The following MACROD2 variants were observed in gnomAD, a reference collection of about 807,000 sequenced individuals.
MACROD2 encodes the protein ADP-ribose glycohydrolase MACROD2.
MACROD2 carries 36 observed loss-of-function variants against 70.4 expected under a neutral mutation model. The observed-to-expected ratio is 0.51, with a 90% CI of 0.39 to 0.68. The LOEUF (loss-of-function observed/expected upper bound fraction) is 0.68. Ranked by LOEUF, MACROD2 falls within the 30% of genes least tolerant of loss-of-function variation. The pLI is 0.00. For synonymous variants in MACROD2, 172 were observed against 178.8 expected, an observed-to-expected ratio of 0.96 and a Z score of 0.30; for missense variants, 496 against 538.4, an observed-to-expected ratio of 0.92 and a Z score of 0.78.
At chr20:14,997,473 A>G (rs2074959803) in intron 5 of MACROD2, among the ~76,000 whole-genome samples, 1 of 152,124 alleles carries the variant, frequency 6.6e-6, no homozygotes, top group African/African-American at 2.4e-5. Context: ...GGTGTGACTC[A>G]CTGCATTCCC....
intron 5 of MACROD2, among the ~76,000 whole-genome samples, chr20:14,757,392 G>T (rs573158115): frequency 2.4e-4 from 37 of 152,200 alleles, no homozygotes; most frequent in African/African-American, 7.5e-4. Context: ...ACTCTCAAAT[G>T]TACTAAGGAA....
At chr20:15,186,527 A>C (rs939915141) in intron 5 of MACROD2, among the ~76,000 whole-genome samples, 3 of 152,214 alleles carry the variant, frequency 2.0e-5, no homozygotes, top group African/African-American at 7.2e-5. Context: ...AGCAGCAAGG[A>C]AACAGGAAGT....
At chr20:14,877,083 A>T (rs1018413956) in intron 5 of MACROD2, among the ~76,000 whole-genome samples, 1 of 152,148 alleles carries the variant, frequency 6.6e-6, no homozygotes, top group Non-Finnish European at 1.5e-5. Flanking sequence ...CTTCCAATCC[A>T]TGAGCATGGA....
intron 6 of MACROD2, among the ~76,000 whole-genome samples, chr20:15,309,419 C>T (rs1345082324): frequency 6.6e-6 from 1 of 152,144 alleles, no homozygotes; most frequent in Non-Finnish European, 1.5e-5. Context: ...CAAACTAATG[C>T]TGGCATCACC....
At chr20:15,694,124 A>G (rs184526662) in intron 8 of MACROD2, among the ~76,000 whole-genome samples, 125 of 152,228 alleles carry the variant, frequency 8.2e-4, no homozygotes, top group Non-Finnish European at 9.9e-4. Flanking sequence ...ATTGATGGGC[A>G]TTTTGGTTGG....
Position 14,326,137 on chromosome 20 carries a change from A to G in MACROD2, c.272-167342A>G, listed in dbSNP as rs1471393867. ...CAAGTACTCACTGCGTTCCCCTGTT[A>G]CAATTGTTTCTGTTATAGATCCAAA... On this transcript the variant is annotated intron_variant, in intron 3 of 17. Transcript: ENST00000684519. This position sits in a 1 kb window ranked among gnomAD's most constrained non-coding sequence, Gnocchi z 5.5. The G allele has an allele frequency of 3.1e-6, 5 of 1,613,894 alleles. No individual in the cohort carries two copies. The highest frequency in any genetic ancestry group is 4.2e-6 in the Non-Finnish European group (5 of 1,179,866).
chr20:14,928,794 G>A (rs950372964), intron 5 of MACROD2, among the ~76,000 whole-genome samples: 1 of 152,164 alleles, frequency 6.6e-6, no homozygotes, highest in African/African-American at 2.4e-5. Flanking sequence ...TCACTAGAAG[G>A]TGTCCATTTT....
chr20:14,262,139 G>A (rs1414988412), intron 3 of MACROD2, among the ~76,000 whole-genome samples: 2 of 152,192 alleles, frequency 1.3e-5, no homozygotes, highest in Non-Finnish European at 2.9e-5. Flanking sequence ...AATGTAAGAT[G>A]TGCAGAGGGG....
intron 3 of MACROD2, among the ~76,000 whole-genome samples, chr20:14,429,933 C>T (rs1050339355): frequency 6.6e-6 from 1 of 152,174 alleles, no homozygotes; most frequent in Admixed American, 6.6e-5. Flanking sequence ...ATCATTAATG[C>T]AGCCATTATT....
chr20:14,580,951 A>G (rs1980974051), intron 4 of MACROD2, among the ~76,000 whole-genome samples: 1 of 152,194 alleles, frequency 6.6e-6, no homozygotes, highest in Non-Finnish European at 1.5e-5. Flanking sequence ...AACACATTTG[A>G]AAAGCTAAAC....
intron 5 of MACROD2, among the ~76,000 whole-genome samples, chr20:14,945,192 A>G (rs1203748953): frequency 6.6e-6 from 1 of 150,782 alleles, no homozygotes; most frequent in African/African-American, 2.4e-5. Context: ...ATCTTGGCTC[A>G]CTGCAACCTC....
chr20:14,381,655 G>A (rs915394437), intron 3 of MACROD2, among the ~76,000 whole-genome samples: 5 of 152,224 alleles, frequency 3.3e-5, no homozygotes, highest in African/African-American at 7.2e-5. Context: ...AGCAGTGAGC[G>A]GTGTTTCCTA....
chr20:15,199,743 G>T (rs1319046692), intron 5 of MACROD2, among the ~76,000 whole-genome samples: 1 of 152,102 alleles, frequency 6.6e-6, no homozygotes, highest in Non-Finnish European at 1.5e-5. Context: ...TTTAAAGTTT[G>T]TTAAATTATT....
At chr20:14,799,034 A>G (rs1290994119) in intron 5 of MACROD2, among the ~76,000 whole-genome samples, 1 of 152,114 alleles carries the variant, frequency 6.6e-6, no homozygotes, top group Non-Finnish European at 1.5e-5. Context: ...AACATTATTT[A>G]TGATATCTTT....
intron 3 of MACROD2, among the ~76,000 whole-genome samples, chr20:14,096,784 A>G (rs2054233478): frequency 6.6e-6 from 1 of 152,072 alleles, no homozygotes; most frequent in Non-Finnish European, 1.5e-5. Flanking sequence ...GCATGTCCTA[A>G]ATTGTGTTTT....
At chr20:15,126,488 A>G (rs2076067975) in intron 5 of MACROD2, among the ~76,000 whole-genome samples, 1 of 152,038 alleles carries the variant, frequency 6.6e-6, no homozygotes, top group South Asian at 2.1e-4. Flanking sequence ...ATTTAATAAA[A>G]TTTGCATTTT....
intron 5 of MACROD2, among the ~76,000 whole-genome samples, chr20:15,089,336 T>A (rs1478682708): frequency 1.3e-5 from 2 of 152,008 alleles, no homozygotes; most frequent in Non-Finnish European, 2.9e-5. Context: ...GGTGTCTTTA[T>A]CCCCACTTAG....
intron 3 of MACROD2, among the ~76,000 whole-genome samples, chr20:14,407,618 T>C (rs1008415319): frequency 2.0e-5 from 3 of 152,102 alleles, no homozygotes; most frequent in African/African-American, 2.4e-5. Context: ...GCTCTCAAAA[T>C]GAAGTAAATA....
intron 3 of MACROD2, among the ~76,000 whole-genome samples, chr20:14,126,821 C>T (rs1022356212): frequency 1.3e-5 from 2 of 152,130 alleles, no homozygotes; most frequent in Non-Finnish European, 2.9e-5. Flanking sequence ...AGACAGTGAA[C>T]TTAATCTATA....
Sources: gnomAD v4.1 joint callset for allele counts (sites outside exome capture counted in the v4.1 genomes callset) on GRCh38, gnomAD v4.1.1 for gene constraint, Gnocchi (gnomAD v3.1) non-coding constraint, MANE v1.5 for transcripts, NCBI Gene and HGNC (gene_info 2026-07-23, HGNC 2026-07-21) for gene names.